Variants in CNTN5 observed in about 807,000 individuals in gnomAD.
The protein encoded by CNTN5 is contactin 5, also known as contactin-5.
In CNTN5, 77 loss-of-function variants were observed where a neutral mutation model predicts 129.1. The observed-to-expected ratio is 0.60, with a 90% confidence interval of 0.50 to 0.72. CNTN5 has a LOEUF of 0.72. Among genes scored for constraint, CNTN5 ranks in the 30% least tolerant of loss-of-function variants. The pLI is 0.00. For missense variants in CNTN5, 1,478 were observed against 1,328.8 expected (o/e 1.11, Z -1.75); for synonymous variants, 509 against 465.6 (o/e 1.09, Z -1.20).
intron 7 of CNTN5, among the ~76,000 whole-genome samples, chr11:99,933,521 T>A (rs1188378045): frequency 6.6e-6 from 1 of 152,054 alleles, no homozygotes; most frequent in African/African-American, 2.4e-5. Flanking sequence ...CCAATTCTCA[T>A]CCCTGATATT....
In CNTN5 at chr11:99,710,689, T is replaced by TA. The variant is rs200319626; in HGVS notation, c.56-108848dup. Among the ~76,000 whole-genome samples, 919 of 150,490 alleles carry TA rather than the reference T, an allele frequency of 6.1e-3. 11 individuals are homozygous for TA. The highest frequency in any genetic ancestry group is 0.022 in the African/African-American group (885 of 40,936). ...ATACGCAATCTCACATGTTGGGGAGTAAAAAAATGACTACACAGTTCAATA... is the reference window on the plus strand; with the variant it reads ...ATACGCAATCTCACATGTTGGGGAGTAAAAAAAATGACTACACAGTTCAATA... On this transcript the variant is annotated intron_variant, in intron 3 of 24. Transcript: ENST00000524871.
chr11:99,026,269 T>C, intron 1 of CNTN5, among the ~76,000 whole-genome samples: 1 of 151,618 alleles, frequency 6.6e-6, no homozygotes, highest in East Asian at 1.9e-4. Context: ...TATTTTGCCT[T>C]ATTTTGTTAT....
intron 14 of CNTN5, among the ~76,000 whole-genome samples, chr11:100,192,940 C>G (rs1948534648): frequency 1.3e-5 from 2 of 151,862 alleles, no homozygotes; most frequent in Admixed American, 1.3e-4. Flanking sequence ...TTTTCTACTC[C>G]TAAAAGCTTT....
In CNTN5 at chr11:99,049,065, A is replaced by G. The variant is rs111464870; in HGVS notation, c.-210+27795A>G. On this transcript the variant is annotated intron_variant, in intron 1 of 24. Coordinates refer to ENST00000524871, the MANE Select transcript of CNTN5 (RefSeq NM_014361.4). Reference sequence around the variant, plus strand: ...TGGGAAACATGGTATAGTATATGCCATGCCTGTTCTAAGTAGTAAAACATA... The same window carrying G: ...TGGGAAACATGGTATAGTATATGCCGTGCCTGTTCTAAGTAGTAAAACATA... Among the ~76,000 whole-genome samples the G allele has an allele frequency of 5.6e-3, 852 of 152,274 alleles. 1 individual carries two copies. The highest frequency in any genetic ancestry group is 0.012 in the South Asian group (56 of 4,824).
At chr11:99,514,072 A>C (rs377064758) in intron 2 of CNTN5, among the ~76,000 whole-genome samples, 38 of 152,252 alleles carry the variant, frequency 2.5e-4, no homozygotes, top group African/African-American at 9.1e-4. Flanking sequence ...ACAAGGGGTT[A>C]AAAGATGTCA....
Position 100,185,854 on chromosome 11 carries a change from C to A in CNTN5, c.1581-5272C>A, listed in dbSNP as rs796238126. Among the ~76,000 whole-genome samples, 72 of 152,270 alleles carry A rather than the reference C, an allele frequency of 4.7e-4. 1 individual carries two copies. The highest frequency in any genetic ancestry group is 1.5e-3 in the African/African-American group (64 of 41,562). On this transcript the variant is annotated intron_variant, in intron 13 of 24. Transcript: ENST00000524871. ...GCCAGGAAGACAGACAGCCCTTACC[C>A]AAACCCAACCATTCTTGCACCTGAT...
At chr11:99,601,953 A>C (rs1413407017) in intron 3 of CNTN5, among the ~76,000 whole-genome samples, 1 of 152,238 alleles carries the variant, frequency 6.6e-6, no homozygotes, top group African/African-American at 2.4e-5. Flanking sequence ...CAAAATGCAT[A>C]ACCATTTTAC....
At chr11:99,423,432 A>G (rs1400082717) in intron 2 of CNTN5, among the ~76,000 whole-genome samples, 2 of 152,220 alleles carry the variant, frequency 1.3e-5, no homozygotes, top group Non-Finnish European at 2.9e-5. Context: ...TTGGTCATAA[A>G]GCTGACAAAA....
At chr11:99,897,937 T>C (rs555632133) in intron 6 of CNTN5, among the ~76,000 whole-genome samples, 1 of 152,144 alleles carries the variant, frequency 6.6e-6, no homozygotes, top group South Asian at 2.1e-4. Flanking sequence ...TCAAAGTAAA[T>C]GGTTGGAGAA....
At chr11:100,312,291 T>C (rs576576114) in intron 21 of CNTN5, among the ~76,000 whole-genome samples, 1 of 152,188 alleles carries the variant, frequency 6.6e-6, no homozygotes, top group South Asian at 2.1e-4. Flanking sequence ...CATAACTGAA[T>C]AGCTGCATGT....
chr11:99,654,348 G>C (rs1266373619), intron 3 of CNTN5, among the ~76,000 whole-genome samples: 1 of 152,050 alleles, frequency 6.6e-6, no homozygotes, highest in Non-Finnish European at 1.5e-5. Context: ...GCTTGCTAAG[G>C]GGTGTATCAG....
At chr11:100,168,094 G>GA (rs55951940) in intron 13 of CNTN5, among the ~76,000 whole-genome samples, 3,064 of 151,444 alleles carry the variant, frequency 0.02, 42 homozygotes, top group Non-Finnish European at 0.031. Flanking sequence ...GGAAGCTGTA[G>GA]AAAAAAAAAT....
chr11:99,586,638 T>C (rs1482132261), intron 3 of CNTN5, among the ~76,000 whole-genome samples: 1 of 152,210 alleles, frequency 6.6e-6, no homozygotes, highest in African/African-American at 2.4e-5. Context: ...ATTACGACTA[T>C]ACTGTAAACT....
intron 2 of CNTN5, among the ~76,000 whole-genome samples, chr11:99,349,742 G>T (rs941082117): frequency 2.0e-5 from 3 of 152,144 alleles, no homozygotes; most frequent in African/African-American, 7.2e-5. Context: ...ACTCATTTAA[G>T]AACAGGATAT....
chr11:100,217,184 A>G (rs1949154980), intron 15 of CNTN5, among the ~76,000 whole-genome samples: 1 of 152,198 alleles, frequency 6.6e-6, no homozygotes, highest in Non-Finnish European at 1.5e-5. Flanking sequence ...CAAAGCCATA[A>G]TTTATCTTTT....
chr11:100,224,644 C>CTAGGCAGATT (rs775733708), intron 15 of CNTN5, 48 bp from the exon 16 acceptor site: 1 of 1,576,246 alleles, frequency 6.3e-7, no homozygotes, highest in East Asian at 2.3e-5. Flanking sequence ...CCACCTTGAA[C>CTAGGCAGATT]TAGGCAGATT....
chr11:99,301,381 C>G (rs759723631), intron 1 of CNTN5, among the ~76,000 whole-genome samples: 3 of 151,392 alleles, frequency 2.0e-5, no homozygotes, highest in Non-Finnish European at 3.0e-5. Context: ...ACAAATAGAT[C>G]AACTGTAAAA....
At chr11:99,792,171 C>A (rs1237341) in intron 3 of CNTN5, among the ~76,000 whole-genome samples, 1 of 151,806 alleles carries the variant, frequency 6.6e-6, no homozygotes, top group Non-Finnish European at 1.5e-5. Flanking sequence ...ACTCTTTCCT[C>A]GTTCCAGTTC....
At chr11:99,186,354 C>T (rs1453984152) in intron 1 of CNTN5, among the ~76,000 whole-genome samples, 2 of 151,886 alleles carry the variant, frequency 1.3e-5, no homozygotes, top group Non-Finnish European at 2.9e-5. Context: ...CACTGACATT[C>T]TAAAGTTTTT....
Sources: gnomAD v4.1 joint callset for allele counts (sites outside exome capture counted in the v4.1 genomes callset) on GRCh38, gnomAD v4.1.1 for gene constraint, MANE v1.5 for transcripts, NCBI Gene and HGNC (gene_info 2026-07-23, HGNC 2026-07-21) for gene names.